The following SYCP1 variants were observed in gnomAD, a reference collection of about 807,000 sequenced individuals.
SYCP1 encodes the protein cancer/testis antigen 8.
In SYCP1, 64 loss-of-function variants were observed where a neutral mutation model predicts 153.1. That is an observed-to-expected ratio of 0.42 (90% confidence interval 0.34 to 0.51). SYCP1 has a LOEUF of 0.51. Among genes scored for constraint, SYCP1 ranks in the 20% least tolerant of loss-of-function variants. The pLI is 0.06. For synonymous variants in SYCP1, 384 were observed against 341.8 expected (o/e 1.12, Z -1.36); for missense variants, 997 against 1,049.0 (o/e 0.95, Z 0.68).
chr1:114,900,773 G>A (rs1313916051), intron 16 of SYCP1, among the ~76,000 whole-genome samples: 1 of 152,112 alleles, frequency 6.6e-6, no homozygotes. Context: ...CATAATTAAG[G>A]GTGTGGTTAG....
At chr1:114,968,219 T>G (rs1321661154) in intron 27 of SYCP1, among the ~76,000 whole-genome samples, 1 of 152,332 alleles carries the variant, frequency 6.6e-6, no homozygotes, top group Non-Finnish European at 1.5e-5. Flanking sequence ...ATTTGAATGT[T>G]GGCCTGTCTT....
chr1:114,949,432 G>C (rs1030771838), intron 27 of SYCP1, among the ~76,000 whole-genome samples: 3 of 152,140 alleles, frequency 2.0e-5, no homozygotes, highest in Non-Finnish European at 2.9e-5. Context: ...TAGTAACCTT[G>C]GGAGACATTA....
intron 29 of SYCP1, among the ~76,000 whole-genome samples, chr1:114,982,259 TC>T (rs2101952319): frequency 6.6e-6 from 1 of 152,128 alleles, no homozygotes; most frequent in East Asian, 1.9e-4. Context: ...ATAAAGATGC[TC>T]TTGGAGTTCC....
Position 114,987,972 on chromosome 1 carries a change from C to T in SYCP1, c.2703+3104C>T, listed in dbSNP as rs572817781. Among the ~76,000 whole-genome samples, 25 of 148,510 alleles carry T rather than the reference C, an allele frequency of 1.7e-4. No homozygotes were observed. In the South Asian group the frequency reaches 4.0e-3, roughly 24 times the overall value. ...ACTCTGGAACTGAAAGTACAATAAC[C>T]GAAATGAGAAACCCACTAGAGGGAT... is the stretch of plus-strand genomic sequence containing the variant. On this transcript the variant is annotated intron_variant, in intron 30 of 31. Transcript: ENST00000369522.
At chr1:114,977,171 A>G (rs1672848087) in intron 27 of SYCP1, among the ~76,000 whole-genome samples, 2 of 151,866 alleles carry the variant, frequency 1.3e-5, no homozygotes, top group Non-Finnish European at 2.9e-5. Flanking sequence ...GAAAAATCTA[A>G]TTCTGCCTGT....
intron 20 of SYCP1, among the ~76,000 whole-genome samples, chr1:114,922,297 T>C (rs529897511): frequency 4.6e-5 from 7 of 152,290 alleles, no homozygotes; most frequent in African/African-American, 1.7e-4. Context: ...TTTCTAGATC[T>C]TGTAGGCATG....
intron 15 of SYCP1, among the ~76,000 whole-genome samples, chr1:114,893,538 A>G (rs1335369568): frequency 2.0e-5 from 3 of 152,178 alleles, no homozygotes; most frequent in Non-Finnish European, 4.4e-5. Context: ...TCCTGTTGGA[A>G]CACTATACTT....
At chr1:114,924,980 G>T (rs957132286) in intron 21 of SYCP1, among the ~76,000 whole-genome samples, 2 of 152,032 alleles carry the variant, frequency 1.3e-5, no homozygotes, top group South Asian at 2.1e-4. Context: ...TGCATTCTAG[G>T]TTCTTTCTAT....
chr1:114,884,286 G>A lies in SYCP1; in HGVS notation c.911-1249G>A, dbSNP rs114481149. 3.5e-3 allele frequency among the ~76,000 whole-genome samples: 533 copies of A among 152,288 alleles called. 2 individuals carry two copies. The highest frequency in any genetic ancestry group is 0.012 in the African/African-American group (516 of 41,560). On this transcript the variant is annotated intron_variant, in intron 12 of 31. Transcript: ENST00000369522. ...ACATTTTCTCTAGATGCCAGAACGT[G>A]TCATTCTATCTCTTCTGTGTTTTCC...
intron 28 of SYCP1, among the ~76,000 whole-genome samples, chr1:114,978,863 T>C (rs1415645639): frequency 2.0e-5 from 3 of 151,700 alleles, no homozygotes; most frequent in Non-Finnish European, 4.4e-5. Context: ...AATGGTTAGA[T>C]ATAGACTTAA....
intron 30 of SYCP1, among the ~76,000 whole-genome samples, chr1:114,994,468 T>G (rs1418876325): frequency 6.6e-6 from 1 of 151,330 alleles, no homozygotes; most frequent in Non-Finnish European, 1.5e-5. Context: ...AATAAAAATC[T>G]AGGTCCTTTC....
chr1:114,920,874 G>C (rs1474448465), intron 20 of SYCP1, among the ~76,000 whole-genome samples: 3 of 152,056 alleles, frequency 2.0e-5, no homozygotes, highest in Non-Finnish European at 4.4e-5. Flanking sequence ...TATCTTTACA[G>C]GTGAAGAGGT....
intron 27 of SYCP1, among the ~76,000 whole-genome samples, chr1:114,956,349 A>G (rs1168685799): frequency 6.6e-6 from 1 of 152,088 alleles, no homozygotes; most frequent in African/African-American, 2.4e-5. Context: ...CTCTAATCCA[A>G]TGGGATAGGC....
chr1:114,947,428 G>C (rs1221578332), intron 27 of SYCP1, 108 bp downstream of exon 27: 2 of 758,760 alleles, frequency 2.6e-6, no homozygotes, highest in African/African-American at 3.6e-5. Context: ...TTAATAACGG[G>C]ATGAGAAAAT....
At chr1:114,984,976 T>G in intron 30 of SYCP1, 108 bp downstream of exon 30, 76 of 423,702 alleles carry the variant, frequency 1.8e-4, no homozygotes, top group Non-Finnish European at 2.4e-4. Context: ...ACCATTGCAA[T>G]ACTGATATAC....
Position 114,910,457 on chromosome 1 carries a change from A to C in SYCP1, c.1381A>C (p.Lys461Gln), listed in dbSNP as rs780850224. ...ATTTGAGAAGATTGCTGAAGAATTA[A>C]AAGGAACAGAACAAGAACTAATTGG... ...KQFEKIAEEL[K>Q]GTEQELIGLL... Residue 461 changes from lysine to glutamine, a missense_variant, in exon 17 of 32, where the codon AAA becomes CAA. Lys to Gln is a moderately conservative substitution (Grantham distance 53). Around this residue, in one of 2 missense-constraint regions of SYCP1, gnomAD observed 712 missense variants for 682.9 expected, o/e 1.04. Transcript: ENST00000369522. 6.2e-7 allele frequency: 1 copy of C among 1,604,784 alleles called. No individual in the cohort carries two copies. Among genetic ancestry groups the C allele is most frequent in the Non-Finnish European group, 8.5e-7 (1 of 1,176,368 alleles).
chr1:114,915,903 A>ACTGAAGCCC (rs1668481005), intron 20 of SYCP1, among the ~76,000 whole-genome samples: 1 of 152,152 alleles, frequency 6.6e-6, no homozygotes, highest in African/African-American at 2.4e-5. Flanking sequence ...AAATGAAGCT[A>ACTGAAGCCC]CTGAAGCCCC....
At chr1:114,861,924 C>T (rs188158965) in intron 8 of SYCP1, among the ~76,000 whole-genome samples, 7 of 150,942 alleles carry the variant, frequency 4.6e-5, no homozygotes, top group South Asian at 4.2e-4. Context: ...CTCAGCCTCG[C>T]GAGTAGCTGG....
At chr1:114,874,469 T>G (rs1456994673) in intron 8 of SYCP1, 37 bp from the exon 9 acceptor site, 5 of 1,281,644 alleles carry the variant, frequency 3.9e-6, no homozygotes, top group Non-Finnish European at 5.5e-6. Context: ...ACATCTTATT[T>G]TAAAATTTAA....
Sources: gnomAD v4.1 joint callset for allele counts (sites outside exome capture counted in the v4.1 genomes callset) on GRCh38, gnomAD v4.1.1 for gene constraint, gnomAD v4.1.1 regional missense constraint, MANE v1.5 for transcripts, NCBI Gene and HGNC (gene_info 2026-07-23, HGNC 2026-07-21) for gene names.